The following IGFL2 variants were observed in gnomAD, a reference collection of about 807,000 sequenced individuals.
The protein encoded by IGFL2 is insulin growth factor-like family member 2.
A neutral mutation model predicts 13.9 loss-of-function variants in IGFL2; 7 were observed. That is an observed-to-expected ratio of 0.51 (90% confidence interval 0.29 to 0.95). The LOEUF is 0.95. Ranked by LOEUF, IGFL2 falls within the 40% of genes least tolerant of loss-of-function variation. The pLI, the probability that IGFL2 is intolerant of heterozygous loss-of-function variation, is 0.08. For missense variants in IGFL2, 138 were observed against 147.8 expected (o/e 0.93, Z 0.34); for synonymous variants, 55 against 55.8 (o/e 0.99, Z 0.07).
the IGFL2 span, among the ~76,000 whole-genome samples, chr19:46,087,949 T>C: frequency 7.2e-5 from 11 of 152,160 alleles, no homozygotes; most frequent in African/African-American, 2.7e-4. Context: ...CTCCATCTCA[T>C]TGGAGCAATG....
upstream of IGFL2, among the ~76,000 whole-genome samples, chr19:46,142,361 T>A (rs532261633): frequency 6.6e-6 from 1 of 152,226 alleles, no homozygotes; most frequent in Non-Finnish European, 1.5e-5. Context: ...CCTCAAACAT[T>A]ACAAAAATAC....
At chr19:46,115,131 G>A in the IGFL2 span, among the ~76,000 whole-genome samples, 16 of 152,078 alleles carry the variant, frequency 1.1e-4, no homozygotes, top group African/African-American at 2.7e-4. Context: ...TCTGGTTTTC[G>A]TATCACAACT....
At chr19:46,146,648 T>C (rs1973151985), upstream of IGFL2, among the ~76,000 whole-genome samples, 1 of 152,200 alleles carries the variant, frequency 6.6e-6, no homozygotes, top group Admixed American at 6.5e-5. Flanking sequence ...ATCCTTTATA[T>C]GTTCTCCTAG....
At chr19:46,208,798 A>G in the IGFL2 span, 1 of 152,122 alleles carries the variant, frequency 6.6e-6, no homozygotes, top group Non-Finnish European at 1.5e-5. Flanking sequence ...ATGATTGTAC[A>G]TTTCCTGAGG....
At chr19:46,134,766 A>G in the IGFL2 span, among the ~76,000 whole-genome samples, 1 of 152,172 alleles carries the variant, frequency 6.6e-6, no homozygotes, top group Admixed American at 6.5e-5. Flanking sequence ...ATGAAGCTCC[A>G]CCCACTAAGT....
chr19:46,081,632 CTCA>C, the IGFL2 span, among the ~76,000 whole-genome samples: 2 of 152,184 alleles, frequency 1.3e-5, no homozygotes, highest in African/African-American at 4.8e-5. Context: ...CAGCCTAGCC[CTCA>C]GCCAGGAATT....
At chr19:46,110,095 G>A in the IGFL2 span, among the ~76,000 whole-genome samples, 32 of 152,204 alleles carry the variant, frequency 2.1e-4, 2 homozygotes, top group Admixed American at 1.8e-3. Context: ...GTTTGGACAA[G>A]ATTCCTTTGA....
At chr19:46,149,571 C>T (rs1403314703) in intron 1 of IGFL2, among the ~76,000 whole-genome samples, 1 of 151,912 alleles carries the variant, frequency 6.6e-6, no homozygotes, top group Non-Finnish European at 1.5e-5. Context: ...CACCAGTCAG[C>T]TTTCTGTCTC....
chr19:46,149,151 C>CCTCTCTCTCTTCTCT (rs1555742897), intron 1 of IGFL2: 2,293 of 216,304 alleles, frequency 0.011, 45 homozygotes, highest in African/African-American at 0.054. Flanking sequence ...TCTCTCTCTC[C>CCTCTCTCTCTTCTCT]CTCTCTCTCT....
the IGFL2 span, among the ~76,000 whole-genome samples, chr19:46,180,419 C>T: frequency 3.2e-3 from 493 of 152,246 alleles, 4 homozygotes; most frequent in African/African-American, 0.011. Context: ...CCTTGTGATC[C>T]GCCTGCCTTG....
At chr19:46,188,981 A>G in the IGFL2 span, among the ~76,000 whole-genome samples, 2,136 of 152,256 alleles carry the variant, frequency 0.014, 56 homozygotes, top group African/African-American at 0.047. Flanking sequence ...TTTTCTCCCC[A>G]TGTGCGGAGA....
chr19:46,103,566 G>A, the IGFL2 span, among the ~76,000 whole-genome samples: 1 of 151,976 alleles, frequency 6.6e-6, no homozygotes, highest in Non-Finnish European at 1.5e-5. Context: ...AGTACTAGGA[G>A]ATATCCGCTG....
the IGFL2 span, among the ~76,000 whole-genome samples, chr19:46,170,210 G>A: frequency 1.7e-4 from 26 of 151,938 alleles, no homozygotes; most frequent in Non-Finnish European, 3.1e-4. Context: ...CACTGTGTTG[G>A]TGTCACTCAC....
chr19:46,180,271 C>T, the IGFL2 span, among the ~76,000 whole-genome samples: 5 of 151,626 alleles, frequency 3.3e-5, no homozygotes, highest in Admixed American at 6.6e-5. Flanking sequence ...CTCCACCTCC[C>T]GAGTTCAAGC....
chr19:46,116,754 G>A, the IGFL2 span, among the ~76,000 whole-genome samples: 4 of 152,094 alleles, frequency 2.6e-5, no homozygotes, highest in South Asian at 2.1e-4. Context: ...TTCATGTAAC[G>A]GAGTTCTGGG....
the IGFL2 span, chr19:46,190,371 C>T: frequency 6.6e-6 from 1 of 152,312 alleles, no homozygotes; most frequent in South Asian, 2.1e-4. Context: ...GGTCTCTCAC[C>T]CTCCAACAGG....
chr19:46,149,021 C>T (rs1973296695), intron 1 of IGFL2: 7 of 1,605,414 alleles, frequency 4.4e-6, no homozygotes, highest in Non-Finnish European at 5.1e-6. Flanking sequence ...GGACCGACTA[C>T]CCCAGGAGTG....
the IGFL2 span, among the ~76,000 whole-genome samples, chr19:46,122,583 T>C: frequency 7.0e-4 from 106 of 151,232 alleles, 3 homozygotes; most frequent in African/African-American, 2.4e-3. Flanking sequence ...GTTTACTGCC[T>C]GAAAAGAGTT....
chr19:46,182,875 A>C, the IGFL2 span, among the ~76,000 whole-genome samples: 1 of 151,004 alleles, frequency 6.6e-6, no homozygotes, highest in African/African-American at 2.4e-5. Flanking sequence ...TCTCTCTGTC[A>C]TCTCTCTTGT....
Sources: gnomAD v4.1 joint callset for allele counts (sites outside exome capture counted in the v4.1 genomes callset) on GRCh38, gnomAD v4.1.1 for gene constraint, MANE v1.5 for transcripts, NCBI Gene and HGNC (gene_info 2026-07-23, HGNC 2026-07-21) for gene names.